The following CUL1 variants were observed in gnomAD, a reference collection of about 807,000 sequenced individuals.
The protein encoded by CUL1 is cullin 1, also known as cullin-1.
CUL1 carries 24 observed loss-of-function variants against 118.0 expected under a neutral mutation model. That is an observed-to-expected ratio of 0.20 (90% CI 0.15 to 0.29). The LOEUF (loss-of-function observed/expected upper bound fraction) is 0.29, where lower values mean the gene tolerates loss of function less well. Ranked by LOEUF, CUL1 falls within the 10% of genes least tolerant of loss-of-function variation. CUL1 has a pLI of 1.00. For synonymous variants in CUL1, 332 were observed against 340.4 expected, an observed-to-expected ratio of 0.98 and a Z score of 0.27; for missense variants, 361 against 933.8, an observed-to-expected ratio of 0.39 and a Z score of 7.99.
intron 2 of CUL1, among the ~76,000 whole-genome samples, chr7:148,752,382 G>A (rs565363483): frequency 2.0e-5 from 3 of 149,706 alleles, no homozygotes; most frequent in African/African-American, 7.5e-5. Flanking sequence ...TGAGTATACA[G>A]TAGTTGTTTA....
chr7:148,773,450 TG>T (rs372976916), intron 9 of CUL1, among the ~76,000 whole-genome samples: 100 of 152,284 alleles, frequency 6.6e-4, no homozygotes, highest in East Asian at 5.8e-3. Flanking sequence ...TCATTACAAG[TG>T]TACATGTGGT....
chr7:148,739,445 C>T (rs2129459882), intron 2 of CUL1, among the ~76,000 whole-genome samples: 1 of 152,296 alleles, frequency 6.6e-6, no homozygotes, highest in South Asian at 2.1e-4. Flanking sequence ...GGCGAAGGTG[C>T]CCTAAACCGG....
In CUL1 at chr7:148,783,895, G is replaced by A. The variant is rs1800735646; in HGVS notation, c.1191+5G>A. 2 of 1,613,942 alleles carry A rather than the reference G, an allele frequency of 1.2e-6. No homozygotes were observed. The highest frequency in any genetic ancestry group is 1.7e-6 in the Non-Finnish European group (2 of 1,179,940). On this transcript the variant is annotated splice_donor_5th_base_variant and intron_variant, in intron 10 of 21. Transcript: ENST00000325222. The stretch of plus-strand genomic sequence containing the variant: ...TTTGTGGCTGCTCTTGATAAGGTAG[G>A]TGCGTGAGGGTTGTGACTTGCCTGT...
At chr7:148,723,270 G>T (rs781516487) in intron 1 of CUL1, among the ~76,000 whole-genome samples, 2 of 152,172 alleles carry the variant, frequency 1.3e-5, no homozygotes, top group Non-Finnish European at 2.9e-5. Flanking sequence ...TGGGCCGTCT[G>T]TCTGCCGTAT....
chr7:148,761,440 G>A (rs1357905280), intron 7 of CUL1, among the ~76,000 whole-genome samples: 1 of 152,212 alleles, frequency 6.6e-6, no homozygotes, highest in Non-Finnish European at 1.5e-5. Context: ...GAACCTGGGA[G>A]GCGGAGGTTG....
chr7:148,797,589 A>G (rs1298192944), intron 17 of CUL1, among the ~76,000 whole-genome samples: 2 of 152,124 alleles, frequency 1.3e-5, no homozygotes, highest in African/African-American at 4.8e-5. Flanking sequence ...GATCAAGGCC[A>G]GAAAGGGGTT....
At chr7:148,770,155 A>G (rs1800160453) in intron 9 of CUL1, among the ~76,000 whole-genome samples, 7 of 152,336 alleles carry the variant, frequency 4.6e-5, no homozygotes, top group Admixed American at 2.0e-4. Flanking sequence ...TATGTAAATC[A>G]TTTCTCTATT....
intron 13 of CUL1, among the ~76,000 whole-genome samples, chr7:148,788,168 C>T (rs530710738): frequency 6.6e-6 from 1 of 152,312 alleles, no homozygotes; most frequent in South Asian, 2.1e-4. Flanking sequence ...GACCGCATAC[C>T]TCCACACAGC....
chr7:148,709,874 C>G (rs953512132), intron 1 of CUL1, among the ~76,000 whole-genome samples: 1 of 151,878 alleles, frequency 6.6e-6, no homozygotes, highest in Non-Finnish European at 1.5e-5. Flanking sequence ...CTTGAGCTTA[C>G]GAGTTCGAGA....
intron 1 of CUL1, among the ~76,000 whole-genome samples, chr7:148,721,557 G>A (rs1294853333): frequency 6.6e-6 from 1 of 151,784 alleles, no homozygotes; most frequent in East Asian, 1.9e-4. Context: ...TTCAACATAT[G>A]TACAATGAAA....
At chr7:148,747,403 G>A (rs1158841745) in intron 2 of CUL1, among the ~76,000 whole-genome samples, 1 of 152,172 alleles carries the variant, frequency 6.6e-6, no homozygotes, top group Non-Finnish European at 1.5e-5. Context: ...GAAGAGAGCT[G>A]AAAATGAAGG....
At chr7:148,739,449 A>T (rs57854196) in intron 2 of CUL1, among the ~76,000 whole-genome samples, 4 of 152,184 alleles carry the variant, frequency 2.6e-5, no homozygotes, top group Non-Finnish European at 2.9e-5. Context: ...AAGGTGCCCT[A>T]AACCGGGGGC....
At chr7:148,699,286 G>A (rs1797631449) in intron 1 of CUL1, among the ~76,000 whole-genome samples, 1 of 151,676 alleles carries the variant, frequency 6.6e-6, no homozygotes, top group Non-Finnish European at 1.5e-5. Context: ...GGGGCGGCCA[G>A]GCCTGGACTA....
intron 1 of CUL1, among the ~76,000 whole-genome samples, chr7:148,707,500 T>C (rs1344569162): frequency 6.6e-6 from 1 of 152,060 alleles, no homozygotes; most frequent in African/African-American, 2.4e-5. Context: ...TTTTTTTAAA[T>C]AATAATTTTT....
intron 9 of CUL1, chr7:148,783,222 T>C: frequency 2.0e-6 from 1 of 512,664 alleles, no homozygotes; most frequent in Non-Finnish European, 2.5e-6. Context: ...GGGAGGCCCC[T>C]TTGCTGCCCT....
intron 9 of CUL1, among the ~76,000 whole-genome samples, chr7:148,772,377 T>C (rs1800241289): frequency 6.6e-6 from 1 of 151,042 alleles, no homozygotes; most frequent in Non-Finnish European, 1.5e-5. Flanking sequence ...ATTGCACTGC[T>C]GCACTCCAGC....
intron 7 of CUL1, among the ~76,000 whole-genome samples, chr7:148,762,966 G>T (rs968459491): frequency 6.6e-6 from 1 of 152,214 alleles, no homozygotes; most frequent in Non-Finnish European, 1.5e-5. Context: ...GGCCAGCATG[G>T]TGAAACCCTC....
intron 8 of CUL1, 44 bp from the exon 9 acceptor site, chr7:148,767,575 C>G: frequency 6.3e-7 from 1 of 1,592,284 alleles, no homozygotes; most frequent in Non-Finnish European, 8.6e-7. Flanking sequence ...AATGGATATG[C>G]AAAATTTTTT....
rs73745354 is a variant in CUL1, at chr7:148,763,500, A to G, written c.789+3004A>G. Among the ~76,000 whole-genome samples, 997 of 152,258 alleles carry G rather than the reference A, an allele frequency of 6.5e-3. 8 individuals are homozygous for G. Among genetic ancestry groups the G allele is most frequent in the African/African-American group, 0.023 (960 of 41,552 alleles). On this transcript the variant is annotated intron_variant, in intron 7 of 21. Transcript: ENST00000325222. ...TCTATTTTTAAATCCCCACCCCACC[A>G]TTTATTAGGGGGATGACCTTAATGC... is the stretch of plus-strand genomic sequence containing the variant.
Sources: allele counts gnomAD v4.1 joint callset (sites outside exome capture counted in the v4.1 genomes callset), GRCh38; gene constraint gnomAD v4.1.1; transcripts MANE v1.5; gene names NCBI Gene and HGNC (gene_info 2026-07-23, HGNC 2026-07-21).